The following KIF16B variants were observed in gnomAD, a reference collection of about 807,000 sequenced individuals.
The protein encoded by KIF16B is kinesin-like protein KIF16B.
Under a neutral mutation model 156.3 loss-of-function variants are expected in KIF16B, and 98 were observed. That is an observed-to-expected ratio of 0.63 (90% CI 0.53 to 0.74). The LOEUF is 0.74. Among genes scored for constraint, KIF16B ranks in the 30% least tolerant of loss-of-function variants. The pLI is 0.00. For missense variants in KIF16B, 1,421 were observed against 1,606.5 expected (o/e 0.88, Z 1.97); for synonymous variants, 564 against 583.7 (o/e 0.97, Z 0.49).
At chr20:16,513,551 T>G (rs1489116535) in intron 4 of KIF16B, among the ~76,000 whole-genome samples, 1 of 150,752 alleles carries the variant, frequency 6.6e-6, no homozygotes, top group African/African-American at 2.4e-5. Flanking sequence ...TCCCAGCTAC[T>G]GGGTAGGCTG....
chr20:16,393,745 A>T (rs945395171), intron 17 of KIF16B, among the ~76,000 whole-genome samples: 3 of 152,276 alleles, frequency 2.0e-5, no homozygotes, highest in African/African-American at 7.2e-5. Flanking sequence ...AAGATAGAGG[A>T]TGCTATGAAT....
chr20:16,438,285 G>C (rs1039591850), intron 12 of KIF16B, among the ~76,000 whole-genome samples: 1 of 152,082 alleles, frequency 6.6e-6, no homozygotes, highest in Non-Finnish European at 1.5e-5. Flanking sequence ...TGCTTTCCCC[G>C]GTTTCAGTTA....
intron 12 of KIF16B, 70 bp downstream of exon 12, chr20:16,494,221 A>T: frequency 1.1e-5 from 4 of 364,952 alleles, no homozygotes; most frequent in African/African-American, 6.7e-5. Flanking sequence ...TTGGAGATTA[A>T]AAAAAAAAAA....
chr20:16,562,255 G>A (rs1271465108), intron 1 of KIF16B, among the ~76,000 whole-genome samples: 1 of 152,154 alleles, frequency 6.6e-6, no homozygotes, highest in South Asian at 2.1e-4. Context: ...CCATAGTGCT[G>A]TACCTCCAAC....
In KIF16B at chr20:16,380,134, T is replaced by C. The variant is rs187115868; in HGVS notation, c.1868A>G (p.Gln623Arg). ...RKLIEEMEEK[Q>R]KSDKAELERM... ...CTCCAGTTCAGCCTTGTCTGATTTC[T>C]GCTTTTCCTCCATTTCTTCTATGAG... is the stretch of plus-strand genomic sequence containing the variant. Residue 623 changes from glutamine to arginine, a missense_variant, in exon 19 of 26, where the codon CAG (glutamine) becomes CGG (arginine). Physicochemically the swap from Gln to Arg is conservative, Grantham distance 43. Transcript: ENST00000354981. 8.6e-6 allele frequency: 13 copies of C among 1,514,092 alleles called. 1 individual carries two copies. The South Asian group carries it at 1.7e-4, about 19-fold the overall frequency. The allele number at this position is 1,514,092 out of a possible 1,614,324, so 93.8% of individuals were successfully genotyped here.
At chr20:16,541,373 T>A (rs1010558918) in intron 1 of KIF16B, among the ~76,000 whole-genome samples, 2 of 152,288 alleles carry the variant, frequency 1.3e-5, no homozygotes, top group African/African-American at 4.8e-5. Flanking sequence ...ATGACCTACA[T>A]CCAAATGCCA....
intron 15 of KIF16B, among the ~76,000 whole-genome samples, chr20:16,409,502 A>G (rs973302465): frequency 1.3e-5 from 2 of 152,074 alleles, no homozygotes; most frequent in African/African-American, 4.8e-5. Flanking sequence ...CAGTTTCACC[A>G]AAGATCATTC....
rs148925396 is a variant in KIF16B, at chr20:16,389,127, G to T, written c.1785-7380C>A. Reference sequence around the variant, plus strand: ...CTCAGTGGGCACATGATCAGACAAGGAAAAACTTCTTGGTCAATGCGTAGG... The same window carrying T: ...CTCAGTGGGCACATGATCAGACAAGTAAAAACTTCTTGGTCAATGCGTAGG... On this transcript the variant is annotated intron_variant, in intron 17 of 25. Coordinates refer to ENST00000354981, the MANE Select transcript of KIF16B (RefSeq NM_024704.5). Among the ~76,000 whole-genome samples the T allele has an allele frequency of 5.1e-3, 773 of 152,240 alleles. 3 individuals carry two copies. The highest frequency in any genetic ancestry group is 8.6e-3 in the Admixed American group (132 of 15,296).
chr20:16,505,898 A>C, intron 8 of KIF16B, 45 bp from the exon 9 acceptor site: 1 of 1,606,888 alleles, frequency 6.2e-7, no homozygotes, highest in Non-Finnish European at 8.5e-7. Context: ...AATTAGTAAA[A>C]TTTTTTTTCC....
intron 1 of KIF16B, among the ~76,000 whole-genome samples, chr20:16,554,357 T>C (rs922265356): frequency 1.3e-5 from 2 of 152,100 alleles, no homozygotes. Flanking sequence ...GGGTCTCCTC[T>C]CTGCTGAGAG....
intron 25 of KIF16B, among the ~76,000 whole-genome samples, chr20:16,306,449 CCACCAT>C (rs2063541821): frequency 6.6e-6 from 1 of 152,118 alleles, no homozygotes; most frequent in South Asian, 2.1e-4. Context: ...GACAACAGCT[CCACCAT>C]GATTAAATCT....
At position 16,374,311 on chromosome 20, in the gene KIF16B, G is replaced by C; in HGVS notation, c.3296C>G (p.Ser1099Cys). ...HGTLEGKVAS[S>C]SLPVSAEKSH... ...TTTTTCAGCACTGACTGGCAAGCTGGAAGAAGCCACCTTCCCTTCCAGGGT... is the reference window on the plus strand; with the variant it reads ...TTTTTCAGCACTGACTGGCAAGCTGCAAGAAGCCACCTTCCCTTCCAGGGT... Residue 1099 changes from serine (S) to cysteine (C), a missense_variant, in exon 20 of 26, where the codon TCC becomes TGC. Physicochemically the swap from Ser to Cys is moderately radical, Grantham distance 112 (BLOSUM62 -1). Transcript: ENST00000354981. The C allele has an allele frequency of 6.2e-7, 1 of 1,603,952 alleles. No individual in the cohort carries two copies. Among genetic ancestry groups the C allele is most frequent in the Non-Finnish European group, 8.5e-7 (1 of 1,173,834 alleles).
chr20:16,429,129 G>T, intron 13 of KIF16B, 125 bp from the exon 14 acceptor site: 1 of 797,386 alleles, frequency 1.3e-6, no homozygotes, highest in Non-Finnish European at 2.2e-6. Flanking sequence ...GCAGGCCACA[G>T]CTTCAATGCA....
chr20:16,402,261 A>G (rs552841319), intron 17 of KIF16B, among the ~76,000 whole-genome samples: 1 of 152,304 alleles, frequency 6.6e-6, no homozygotes, highest in African/African-American at 2.4e-5. Context: ...TCCATCAAAC[A>G]CTGTCCTAAG....
chr20:16,336,085 T>A, intron 23 of KIF16B, 70 bp from the exon 24 acceptor site: 1 of 906,792 alleles, frequency 1.1e-6, no homozygotes, highest in Non-Finnish European at 1.7e-6. Context: ...TCAAAAGAAT[T>A]TAAAAATTAA....
At chr20:16,295,275 T>C (rs1384369791) in intron 25 of KIF16B, among the ~76,000 whole-genome samples, 1 of 152,198 alleles carries the variant, frequency 6.6e-6, no homozygotes, top group East Asian at 1.9e-4. Flanking sequence ...GCCTGAGGTC[T>C]GTGGAGCTCT....
At chr20:16,289,288 C>A (rs2063277878) in intron 25 of KIF16B, among the ~76,000 whole-genome samples, 2 of 152,008 alleles carry the variant, frequency 1.3e-5, no homozygotes, top group African/African-American at 4.8e-5. Context: ...TTAAGTAGAA[C>A]CATCATCAAG....
chr20:16,403,139 G>C (rs973038651), intron 17 of KIF16B, among the ~76,000 whole-genome samples: 1 of 152,220 alleles, frequency 6.6e-6, no homozygotes, highest in African/African-American at 2.4e-5. Flanking sequence ...AATAACGATA[G>C]TACCTGGATT....
At chr20:16,478,090 G>A (rs540703264) in intron 12 of KIF16B, among the ~76,000 whole-genome samples, 4 of 152,300 alleles carry the variant, frequency 2.6e-5, no homozygotes, top group African/African-American at 7.2e-5. Flanking sequence ...CTGAAGTGGA[G>A]TGAACAGGAG....
Sources: allele counts gnomAD v4.1 joint callset (sites outside exome capture counted in the v4.1 genomes callset), GRCh38; gene constraint gnomAD v4.1.1; transcripts MANE v1.5; gene names NCBI Gene and HGNC (gene_info 2026-07-23, HGNC 2026-07-21).